The following PAX5 variants were observed in gnomAD, a reference collection of about 807,000 sequenced individuals.
PAX5 encodes the protein paired box protein Pax-5.
PAX5 carries 9 observed loss-of-function variants against 43.7 expected under a neutral mutation model. The observed-to-expected ratio is 0.21, with a 90% CI of 0.12 to 0.36. PAX5 has a LOEUF of 0.36. Among genes scored for constraint, PAX5 ranks in the 10% least tolerant of loss-of-function variants. The pLI is 1.00. For synonymous variants in PAX5, 228 were observed against 214.3 expected, an observed-to-expected ratio of 1.06 and a Z score of -0.56; for missense variants, 383 against 532.7, an observed-to-expected ratio of 0.72 and a Z score of 2.77.
rs1171608257 is a variant in PAX5, at chr9:36,848,346, G to A, written c.1013-1417C>T. Among the ~76,000 whole-genome samples the A allele has an allele frequency of 4.5e-4, 7 of 15,712 alleles. No individual in the cohort carries two copies. In the East Asian group the frequency reaches 8.7e-3, roughly 20 times the overall value. The allele number at this position is 15,712 out of a possible 152,430, so 10.3% of individuals were successfully genotyped here. On this transcript the variant is annotated intron_variant, in intron 8 of 9. Coordinates refer to ENST00000358127, the MANE Select transcript of PAX5 (RefSeq NM_016734.3). ...CGCACCTCACAACCACAGGCAGAGC[G>A]TGTCCACACACACACACACACACAC...
intron 6 of PAX5, among the ~76,000 whole-genome samples, chr9:36,930,203 A>G (rs991729212): frequency 1.7e-4 from 24 of 145,396 alleles, no homozygotes; most frequent in African/African-American, 5.5e-4. Context: ...GTACAGGGAT[A>G]GGGATGGATG....
At chr9:36,950,229 C>T (rs1022204474) in intron 6 of PAX5, among the ~76,000 whole-genome samples, 3 of 152,180 alleles carry the variant, frequency 2.0e-5, no homozygotes, top group Non-Finnish European at 4.4e-5. Flanking sequence ...AATTCTGTTG[C>T]CCTGACCCAA....
chr9:36,958,841 A>G (rs1833714341), intron 6 of PAX5, among the ~76,000 whole-genome samples: 1 of 152,194 alleles, frequency 6.6e-6, no homozygotes, highest in African/African-American at 2.4e-5. Flanking sequence ...TGTGCTGACC[A>G]GCCTACTCCT....
intron 9 of PAX5, among the ~76,000 whole-genome samples, chr9:36,844,860 C>A (rs982512631): frequency 4.6e-5 from 7 of 152,222 alleles, no homozygotes; most frequent in East Asian, 1.9e-4. Context: ...CCACAGATAG[C>A]CCCACCTCCT....
At position 36,881,987 on chromosome 9, in the gene PAX5, C is replaced by A. The variant is rs370063069; in HGVS notation, c.1012+17G>T. The A allele has an allele frequency of 6.3e-7, 1 of 1,591,352 alleles. No individual in the cohort carries two copies. Among genetic ancestry groups the A allele is most frequent in the South Asian group, 1.1e-5 (1 of 88,444 alleles). ...CGTCCGCTGCCTGCTGTGGAGACGC[C>A]GACAGTGCAAACTCACCAGGCACCA... On this transcript the variant is annotated intron_variant, in intron 8 of 9. Transcript: ENST00000358127.
intron 6 of PAX5, among the ~76,000 whole-genome samples, chr9:36,941,484 G>A (rs1162798882): frequency 6.6e-6 from 1 of 152,184 alleles, no homozygotes; most frequent in East Asian, 1.9e-4. Flanking sequence ...TGCCGGGCGT[G>A]AATCTCCTGT....
chr9:37,016,901 T>C (rs896658142), intron 2 of PAX5, among the ~76,000 whole-genome samples: 7 of 152,248 alleles, frequency 4.6e-5, no homozygotes, highest in Admixed American at 1.3e-4. Context: ...TTGGAAGCAG[T>C]GATGTGAAAG....
chr9:36,898,022 G>A (rs759962816), intron 7 of PAX5, among the ~76,000 whole-genome samples: 2 of 152,140 alleles, frequency 1.3e-5, no homozygotes, highest in African/African-American at 2.4e-5. Flanking sequence ...CCTGTGCCTC[G>A]ATGAGCCTTG....
chr9:37,010,795 G>A (rs1838859803), intron 3 of PAX5, among the ~76,000 whole-genome samples: 1 of 152,168 alleles, frequency 6.6e-6, no homozygotes, highest in Admixed American at 6.5e-5. Flanking sequence ...TCAAAACCCA[G>A]GGGTCCAACT....
intron 6 of PAX5, among the ~76,000 whole-genome samples, chr9:36,947,601 T>C (rs1832645313): frequency 6.6e-6 from 1 of 152,196 alleles, no homozygotes; most frequent in East Asian, 1.9e-4. Context: ...TGGTCTCAAA[T>C]GGTCTCAAGT....
At chr9:36,885,487 T>C (rs1826835422) in intron 7 of PAX5, among the ~76,000 whole-genome samples, 1 of 152,190 alleles carries the variant, frequency 6.6e-6, no homozygotes, top group African/African-American at 2.4e-5. Flanking sequence ...ACACACATTC[T>C]CACTTATTCC....
At chr9:36,869,959 GATAA>G (rs1451064202) in intron 8 of PAX5, among the ~76,000 whole-genome samples, 27 of 111,730 alleles carry the variant, frequency 2.4e-4, no homozygotes, top group African/African-American at 4.5e-4. Flanking sequence ...TGGATGGATG[GATAA>G]ATGGATGGAT....
Position 37,034,148 on chromosome 9 carries a change from G to A in PAX5, c.-117C>T. 1 of 639,502 alleles carries A rather than the reference G, an allele frequency of 1.6e-6. No individual in the cohort carries two copies. The highest frequency in any genetic ancestry group is 3.0e-5 in the Admixed American group (1 of 32,788). 39.6% of individuals were successfully genotyped at this position (639,502 alleles called of 1,614,324 possible). ...TTTTGGTGCCAGGGGCCGCTCACAGGTCGGAATAATTCAAGCCTTCCGCTC... is the reference window on the plus strand; with the variant it reads ...TTTTGGTGCCAGGGGCCGCTCACAGATCGGAATAATTCAAGCCTTCCGCTC... On this transcript the variant is annotated 5_prime_UTR_variant, in exon 1 of 10. Transcript: ENST00000358127.
intron 7 of PAX5, among the ~76,000 whole-genome samples, chr9:36,883,508 T>A (rs368892514): frequency 9.2e-5 from 14 of 151,732 alleles, no homozygotes; most frequent in Admixed American, 5.9e-4. Context: ...TACTAAAAAA[T>A]ATATATATAT....
At position 36,835,087 on chromosome 9, in the gene PAX5, T is replaced by G. The variant is rs1460396260; in HGVS notation, c.*5473A>C. On this transcript the variant is annotated 3_prime_UTR_variant, in exon 10 of 10. Transcript: ENST00000358127. Reference sequence around the variant, plus strand: ...CCTTTGAGGCTTTGCTGATTGTCCCTCAGTAGATATTAATAGGTAAGCAGC... The same window carrying G: ...CCTTTGAGGCTTTGCTGATTGTCCCGCAGTAGATATTAATAGGTAAGCAGC... The G allele has an allele frequency of 4.3e-6, 1 of 233,330 alleles. No homozygotes were observed. The highest frequency in any genetic ancestry group is 8.5e-6 in the Non-Finnish European group (1 of 118,066). The allele number at this position is 233,330 out of a possible 1,614,324, so 14.5% of individuals were successfully genotyped here.
chr9:36,857,205 A>C (rs1165171638), intron 8 of PAX5, among the ~76,000 whole-genome samples: 2 of 152,224 alleles, frequency 1.3e-5, no homozygotes, highest in Non-Finnish European at 2.9e-5. Context: ...GCATGGTAGA[A>C]AGTAACATCT....
chr9:36,841,713 G>A (rs1259844106), intron 9 of PAX5, among the ~76,000 whole-genome samples: 3 of 152,242 alleles, frequency 2.0e-5, no homozygotes, highest in African/African-American at 4.8e-5. Context: ...AAACAATAGC[G>A]AAGACACCCC....
At chr9:36,970,147 G>C (rs1459621237) in intron 5 of PAX5, among the ~76,000 whole-genome samples, 1 of 152,228 alleles carries the variant, frequency 6.6e-6, no homozygotes, top group African/African-American at 2.4e-5. Context: ...AACGGTGACT[G>C]ATGCTAGGGT....
At chr9:36,932,813 G>A (rs535928976) in intron 6 of PAX5, among the ~76,000 whole-genome samples, 3 of 152,234 alleles carry the variant, frequency 2.0e-5, no homozygotes, top group South Asian at 4.2e-4. Context: ...GAATCTGGGG[G>A]AGGGGTGCTT....
Sources: allele counts gnomAD v4.1 joint callset (sites outside exome capture counted in the v4.1 genomes callset), GRCh38; gene constraint gnomAD v4.1.1; transcripts MANE v1.5; gene names NCBI Gene and HGNC (gene_info 2026-07-23, HGNC 2026-07-21).